CPEB3: variants seen among roughly 807,000 people sequenced by gnomAD.
CPEB3 encodes the protein cytoplasmic polyadenylation element binding protein 3.
A neutral mutation model predicts 67.2 loss-of-function variants in CPEB3; 20 were observed. The ratio of observed to expected loss-of-function variants is 0.30; its 90% CI spans 0.21 to 0.43. The LOEUF (loss-of-function observed/expected upper bound fraction) is 0.43. Ranked by LOEUF, CPEB3 falls within the 20% of genes least tolerant of loss-of-function variation. CPEB3 has a pLI of 1.00. For synonymous variants in CPEB3, 376 were observed against 393.1 expected, an observed-to-expected ratio of 0.96 and a Z score of 0.51; for missense variants, 746 against 968.6, an observed-to-expected ratio of 0.77 and a Z score of 3.05.
chr10:92,284,625 G>C lies in CPEB3; in HGVS notation c.-12+6301C>G, dbSNP rs138359971. Among the ~76,000 whole-genome samples, 348 of 152,122 alleles carry C rather than the reference G, an allele frequency of 2.3e-3. 1 individual carries two copies. The highest frequency in any genetic ancestry group is 7.9e-3 in the African/African-American group (326 of 41,480). On this transcript the variant is annotated intron_variant, in intron 1 of 9. Transcript: ENST00000265997. Reference sequence around the variant, plus strand: ...CTTTTCTTGGGGCCTCGGTATAACAGACACTACCTCAGAGAAACTTTCCAT... The same window carrying C: ...CTTTTCTTGGGGCCTCGGTATAACACACACTACCTCAGAGAAACTTTCCAT...
intron 4 of CPEB3, among the ~76,000 whole-genome samples, chr10:92,160,869 C>T (rs1181899332): frequency 6.6e-6 from 1 of 152,128 alleles, no homozygotes; most frequent in Non-Finnish European, 1.5e-5. Flanking sequence ...GGAAGAGTTA[C>T]AAAAGACCTA....
chr10:92,114,177 A>G (rs2133523800), intron 6 of CPEB3, among the ~76,000 whole-genome samples: 1 of 152,254 alleles, frequency 6.6e-6, no homozygotes, highest in Non-Finnish European at 1.5e-5. Flanking sequence ...TTCCAACCAA[A>G]ACAGAATTCA....
intron 2 of CPEB3, chr10:92,216,227 A>G (rs1183914974): frequency 4.9e-6 from 5 of 1,019,686 alleles, no homozygotes; most frequent in Non-Finnish European, 7.1e-6. Flanking sequence ...CACAAGGTCA[A>G]GAGATCAAGA....
At chr10:92,073,608 T>A (rs1265989934) in intron 9 of CPEB3, among the ~76,000 whole-genome samples, 2 of 151,192 alleles carry the variant, frequency 1.3e-5, no homozygotes, top group African/African-American at 4.9e-5. Flanking sequence ...CTGGCTAATT[T>A]AAAAAAAAAA....
chr10:92,216,027 C>A (rs1300969082), intron 2 of CPEB3, among the ~76,000 whole-genome samples: 2 of 138,780 alleles, frequency 1.4e-5, no homozygotes, highest in Non-Finnish European at 3.1e-5. Flanking sequence ...GGATTACAGG[C>A]CTGAGCCACC....
At position 92,213,522 on chromosome 10, in the gene CPEB3, G is replaced by C. The variant is rs17107487; in HGVS notation, c.1006-20886C>G. 2.6e-5 allele frequency among the ~76,000 whole-genome samples: 4 copies of C among 152,228 alleles called. No individual in the cohort carries two copies. The East Asian group carries it at 7.7e-4, about 29-fold the overall frequency. On this transcript the variant is annotated intron_variant, in intron 2 of 9. Transcript: ENST00000265997. The stretch of plus-strand genomic sequence containing the variant: ...TTATTTCGGTTCCTGGAATGGTAGA[G>C]TAGGAGAACATAAGATTAATGTAGA...
intron 3 of CPEB3, among the ~76,000 whole-genome samples, chr10:92,186,535 A>C (rs927463327): frequency 4.0e-5 from 6 of 151,588 alleles, no homozygotes; most frequent in African/African-American, 1.5e-4. Flanking sequence ...CGTGGGTTCA[A>C]GCGATTCTCC....
intron 1 of CPEB3, among the ~76,000 whole-genome samples, chr10:92,246,247 T>C (rs1268862457): frequency 6.7e-6 from 1 of 148,588 alleles, no homozygotes; most frequent in African/African-American, 2.5e-5. Flanking sequence ...GGCAGGAAAA[T>C]GGCGTGAACC....
At chr10:92,118,988 C>T (rs1189973504) in intron 6 of CPEB3, 8 of 1,517,598 alleles carry the variant, frequency 5.3e-6, no homozygotes, top group Non-Finnish European at 6.4e-6. Context: ...GGGGCCAGCA[C>T]TGATCCACAC....
At chr10:92,260,444 G>A (rs967669908) in intron 1 of CPEB3, among the ~76,000 whole-genome samples, 5 of 151,098 alleles carry the variant, frequency 3.3e-5, no homozygotes, top group South Asian at 2.1e-4. Flanking sequence ...CCAGCTACTC[G>A]GGAGGCTGAG....
chr10:92,180,621 GCTTGCAGAGCTATAGTTTGC>G, intron 4 of CPEB3, among the ~76,000 whole-genome samples: 1 of 152,330 alleles, frequency 6.6e-6, no homozygotes, highest in East Asian at 1.9e-4. Context: ...AACAGATCCA[GCTTGCAGAGCTATAGTTTGC>G]CAACCCTGGT....
rs982282330 is a variant in CPEB3 at position 92,252,830 on chromosome 10, T to C, written c.-11-12469A>G. On this transcript the variant is annotated intron_variant, in intron 1 of 9. Transcript: ENST00000265997. ...CCACTGTGCCTGGCCTGACTCCAAC[T>C]GTATAAAACAGCATACATAAATTGC... Among the ~76,000 whole-genome samples, 6 of 152,104 alleles carry C rather than the reference T, an allele frequency of 3.9e-5. No homozygotes were observed. In the East Asian group the frequency reaches 9.7e-4, roughly 24 times the overall value.
chr10:92,255,638 A>C (rs1439606092), intron 1 of CPEB3, among the ~76,000 whole-genome samples: 1 of 152,098 alleles, frequency 6.6e-6, no homozygotes, highest in Non-Finnish European at 1.5e-5. Flanking sequence ...GTCTATTAAC[A>C]CCCTGAACAA....
At chr10:92,120,736 T>C (rs1325233061) in intron 6 of CPEB3, among the ~76,000 whole-genome samples, 1 of 152,162 alleles carries the variant, frequency 6.6e-6, no homozygotes, top group Non-Finnish European at 1.5e-5. Flanking sequence ...AGTCTTACTC[T>C]GTTGCCCAGG....
At chr10:92,275,845 C>CTTTTTTTTTTTTT (rs909549413) in intron 1 of CPEB3, among the ~76,000 whole-genome samples, 1 of 92,974 alleles carries the variant, frequency 1.1e-5, no homozygotes, top group African/African-American at 3.7e-5. Flanking sequence ...TCATTCTTTT[C>CTTTTTTTTTTTTT]TTTTTTTTTT....
chr10:92,088,303 G>A (rs1843462924), intron 8 of CPEB3, among the ~76,000 whole-genome samples: 1 of 141,762 alleles, frequency 7.1e-6, no homozygotes, highest in Non-Finnish European at 1.5e-5. Flanking sequence ...TCAGCTCACT[G>A]CAGCCCCGAG....
chr10:92,248,155 T>C (rs1852146460), intron 1 of CPEB3, among the ~76,000 whole-genome samples: 1 of 152,208 alleles, frequency 6.6e-6, no homozygotes, highest in African/African-American at 2.4e-5. Context: ...TTATGTAAAA[T>C]GGCATAGTAT....
chr10:92,152,799 G>A (rs1386959039), intron 4 of CPEB3, among the ~76,000 whole-genome samples: 1 of 152,098 alleles, frequency 6.6e-6, no homozygotes, highest in Non-Finnish European at 1.5e-5. Context: ...TATCACAACT[G>A]TTAAGAATAA....
At chr10:92,086,966 C>A (rs941592696) in intron 8 of CPEB3, among the ~76,000 whole-genome samples, 3 of 152,076 alleles carry the variant, frequency 2.0e-5, no homozygotes, top group Non-Finnish European at 4.4e-5. Flanking sequence ...CCGGGACAAC[C>A]CATACTGAAC....
Sources: allele counts gnomAD v4.1 joint callset (sites outside exome capture counted in the v4.1 genomes callset), GRCh38; gene constraint gnomAD v4.1.1; transcripts MANE v1.5; gene names NCBI Gene and HGNC (gene_info 2026-07-23, HGNC 2026-07-21).